Variants in CEP290 observed in about 807,000 individuals in gnomAD.
The protein encoded by CEP290 is centrosomal protein 290.
A neutral mutation model predicts 344.9 loss-of-function variants in CEP290; 317 were observed. That is an observed-to-expected ratio of 0.92 (90% CI 0.84 to 1.01). The LOEUF is 1.01. Among genes scored for constraint, CEP290 ranks in the 50% least tolerant of loss-of-function variants. The pLI is 0.00. For missense variants in CEP290, 2,754 were observed against 2,761.4 expected, an observed-to-expected ratio of 1.00 and a Z score of 0.06; for synonymous variants, 932 against 895.8, an observed-to-expected ratio of 1.04 and a Z score of -0.72.
Position 88,100,127 on chromosome 12 carries a change from G to A in CEP290, c.2991+2711C>T, listed in dbSNP as rs188107174. Among the ~76,000 whole-genome samples the A allele has an allele frequency of 5.3e-4, 81 of 151,800 alleles. 1 individual carries two copies. The highest frequency in any genetic ancestry group is 1.8e-3 in the African/African-American group (76 of 41,436). On this transcript the variant is annotated intron_variant, in intron 26 of 53. Coordinates refer to ENST00000552810, the MANE Select transcript of CEP290 (RefSeq NM_025114.4). The stretch of plus-strand genomic sequence containing the variant: ...AAACCCTGTCTCTACTAAATTAGCC[G>A]GCCGTGCTGGTGGGCACCTGTAATT...
chr12:88,097,968 A>T (rs751657726), intron 26 of CEP290, among the ~76,000 whole-genome samples: 1 of 152,138 alleles, frequency 6.6e-6, no homozygotes, highest in Non-Finnish European at 1.5e-5. Context: ...AGAGTGTGGA[A>T]GGCAGCAGAT....
intron 48 of CEP290, 61 bp from the exon 49 acceptor site, chr12:88,059,081 G>T: frequency 7.5e-7 from 1 of 1,330,006 alleles, no homozygotes; most frequent in Non-Finnish European, 1.0e-6. Flanking sequence ...CATAGATTCA[G>T]TGTATTCAAA....
chr12:88,131,273 T>G, intron 6 of CEP290, 55 bp from the exon 7 acceptor site: 1 of 304,912 alleles, frequency 3.3e-6, no homozygotes, highest in Non-Finnish European at 4.0e-6. Flanking sequence ...CAGCAGTAAT[T>G]TTTTTTTTTT....
intron 38 of CEP290, among the ~76,000 whole-genome samples, chr12:88,079,472 C>A (rs1294789706): frequency 6.6e-6 from 1 of 152,046 alleles, no homozygotes; most frequent in Non-Finnish European, 1.5e-5. Flanking sequence ...ATTTTGAGAA[C>A]TCAGCATTAA....
chr12:88,122,721 T>C (rs1292533216), intron 13 of CEP290, among the ~76,000 whole-genome samples: 1 of 152,178 alleles, frequency 6.6e-6, no homozygotes, highest in Non-Finnish European at 1.5e-5. Context: ...TCCATACTAT[T>C]AGTCATCCTT....
chr12:88,083,606 T>G (rs1292433401), intron 36 of CEP290, among the ~76,000 whole-genome samples: 4 of 151,990 alleles, frequency 2.6e-5, no homozygotes. Flanking sequence ...TCACAGTGAG[T>G]AGAATTTGAA....
chr12:88,109,916 T>C, intron 22 of CEP290, among the ~76,000 whole-genome samples: 1 of 152,082 alleles, frequency 6.6e-6, no homozygotes, highest in East Asian at 1.9e-4. Context: ...ATACCTCAGG[T>C]AAATAAGAGA....
chr12:88,069,911 A>C (rs1305809725), intron 43 of CEP290, among the ~76,000 whole-genome samples: 1 of 152,244 alleles, frequency 6.6e-6, no homozygotes, highest in Non-Finnish European at 1.5e-5. Flanking sequence ...AGAAGAAGAA[A>C]TAGCAAATCA....
intron 51 of CEP290, 137 bp from the exon 52 acceptor site, chr12:88,053,883 G>A (rs2033777534): frequency 5.9e-6 from 3 of 510,690 alleles, no homozygotes; most frequent in Non-Finnish European, 1.0e-5. Flanking sequence ...TACTCTCAAT[G>A]CTACAATGTC....
Position 88,077,249 on chromosome 12 carries a change from T to C in CEP290, c.5682A>G (p.Glu1894=), listed in dbSNP as rs1460806176. The change falls in exon 41 of 54, where the codon GAA becomes GAG. Residue 1894 remains glutamate (E), a synonymous_variant. Transcript: ENST00000552810. ...LENQLEGKVE[E]VDLKPMKEKN... is the part of the protein sequence containing the mutation. Reference sequence around the variant, plus strand: ...TTTCTTTCATAGGTTTTAGGTCTACTTCCTCCACCTTTCCCTCTAATTGGT... The same window carrying C: ...TTTCTTTCATAGGTTTTAGGTCTACCTCCTCCACCTTTCCCTCTAATTGGT... 6.2e-7 allele frequency: 1 copy of C among 1,605,116 alleles called. No individual in the cohort carries two copies. Among genetic ancestry groups the C allele is most frequent in the African/African-American group, 1.3e-5 (1 of 74,530 alleles).
In CEP290 at chr12:88,080,187, G is replaced by A; in HGVS notation, c.5221C>T (p.Gln1741Ter). 3 of 1,592,766 alleles carry A rather than the reference G, an allele frequency of 1.9e-6. No individual in the cohort carries two copies. The highest frequency in any genetic ancestry group is 2.7e-5 in the African/African-American group (2 of 74,260). The stretch of plus-strand genomic sequence containing the variant: ...AATTTTCTGTTGTTACTTACTTTCT[G>A]TTGTTTCTCCTTCAAGGCTAATTGG... ...KSQLALKEKQ[Q>*]KALSRALLEL... The change falls in exon 38 of 54, where the codon CAG (glutamine) becomes TAG (stop). Residue 1741 changes from glutamine to a stop codon, truncating the protein, a stop_gained. Transcript: ENST00000552810. LOFTEE classifies it high-confidence loss of function.
rs930173600 is a variant in CEP290 at position 88,097,017 on chromosome 12, A to G, written c.2992-18T>C. The G allele has an allele frequency of 3.3e-5, 41 of 1,254,102 alleles. No homozygotes were observed. Among genetic ancestry groups the G allele is most frequent in the Non-Finnish European group, 4.4e-5 (39 of 887,028 alleles). 77.7% of individuals were successfully genotyped at this position (1,254,102 alleles called of 1,614,324 possible). A position where few individuals can be genotyped will look rare whatever the true frequency, so the allele number is the denominator to read the frequency against. On this transcript the variant is annotated intron_variant, in intron 26 of 53. Coordinates refer to ENST00000552810, the MANE Select transcript of CEP290 (RefSeq NM_025114.4). ...TTTTCACACTGAATAAAGGAAAAAT[A>G]TCACTAAGAAACTACATTGTAATTC... is the stretch of plus-strand genomic sequence containing the variant.
rs894367246 is a variant in CEP290 at position 88,141,963 on chromosome 12, C to T, written c.-91G>A. The T allele has an allele frequency of 3.3e-5, 5 of 152,468 alleles. No homozygotes were observed. The highest frequency in any genetic ancestry group is 1.2e-4 in the African/African-American group (5 of 41,450). The allele number at this position is 152,468 out of a possible 1,614,324, so 9.4% of individuals were successfully genotyped here. On this transcript the variant is annotated 5_prime_UTR_variant, in exon 1 of 54. Coordinates refer to ENST00000552810, the MANE Select transcript of CEP290 (RefSeq NM_025114.4). ...CCGCAACCACCAAGCTGGACCCGGCCGCGGGCCCTGACAGATCCCTATCGC... is the reference window on the plus strand; with the variant it reads ...CCGCAACCACCAAGCTGGACCCGGCTGCGGGCCCTGACAGATCCCTATCGC...
chr12:88,068,650 G>A lies in CEP290; in HGVS notation c.6012-5C>T. 3 of 1,591,988 alleles carry A rather than the reference G, an allele frequency of 1.9e-6. No homozygotes were observed. The highest frequency in any genetic ancestry group is 1.2e-5 in the South Asian group (1 of 84,818). Reference sequence around the variant, plus strand: ...CGAGGAAGAGCTTGGTGGGCCCTATGAACAACAATCACAGACTCTTTACTA... The same window carrying A: ...CGAGGAAGAGCTTGGTGGGCCCTATAAACAACAATCACAGACTCTTTACTA... On this transcript the variant is annotated splice_polypyrimidine_tract_variant and splice_region_variant and intron_variant, in intron 43 of 53. Coordinates refer to ENST00000552810, the MANE Select transcript of CEP290 (RefSeq NM_025114.4).
At chr12:88,141,417 AT>A in intron 1 of CEP290, 83 bp from the exon 2 acceptor site, 1 of 622,462 alleles carries the variant, frequency 1.6e-6, no homozygotes, top group East Asian at 3.4e-5. Context: ...TTTGCAGATT[AT>A]TTCATTATAA....
chr12:88,121,305 A>C lies in CEP290; in HGVS notation c.1190-139T>G, dbSNP rs1382869988. On this transcript the variant is annotated intron_variant, in intron 13 of 53. Transcript: ENST00000552810. ...GTTGTCATTTTATATTTGTAAGATG[A>C]AAGTTTTGTTTTGGTTTTACTAATA... The C allele has an allele frequency of 9.2e-6, 6 of 654,732 alleles. No homozygotes were observed. In the East Asian group the frequency reaches 1.4e-4, roughly 16 times the overall value. 40.6% of individuals were successfully genotyped at this position (654,732 alleles called of 1,614,324 possible). A position where few individuals can be genotyped will look rare whatever the true frequency, so the allele number is the denominator to read the frequency against.
intron 22 of CEP290, among the ~76,000 whole-genome samples, chr12:88,110,460 T>C (rs572956646): frequency 6.6e-6 from 1 of 152,094 alleles, no homozygotes; most frequent in East Asian, 1.9e-4. Context: ...TCTGTAACCC[T>C]AGCACCTTGG....
chr12:88,124,483 C>T (rs1435000503), intron 13 of CEP290, among the ~76,000 whole-genome samples: 1 of 152,116 alleles, frequency 6.6e-6, no homozygotes, highest in Non-Finnish European at 1.5e-5. Flanking sequence ...ACTACACTTA[C>T]ACACACATAT....
rs546004364 is a variant in CEP290, at chr12:88,056,666, GCC to G, written c.6819-951_6819-950del. Among the ~76,000 whole-genome samples the G allele has an allele frequency of 3.0e-4, 46 of 152,070 alleles. 1 individual carries two copies. Among genetic ancestry groups the G allele is most frequent in the African/African-American group, 1.1e-3 (44 of 41,496 alleles). ...TCCTCTGATCACCCTATCTAAAACA[GCC>G]CCCACATCACCCTGGTTTGTCCCAG... On this transcript the variant is annotated intron_variant, in intron 49 of 53. Transcript: ENST00000552810.
Sources: gnomAD v4.1 joint callset for allele counts (sites outside exome capture counted in the v4.1 genomes callset) on GRCh38, gnomAD v4.1.1 for gene constraint, MANE v1.5 for transcripts, NCBI Gene and HGNC (gene_info 2026-07-23, HGNC 2026-07-21) for gene names.